Variants in BIRC6 observed in about 807,000 individuals in gnomAD.
BIRC6 encodes the protein dual E2 ubiquitin-conjugating enzyme/E3 ubiquitin-protein ligase BIRC6.
In BIRC6, 98 loss-of-function variants were observed where a neutral mutation model predicts 503.3. That is an observed-to-expected ratio of 0.19 (90% CI 0.17 to 0.23). The LOEUF is 0.23. Among genes scored for constraint, BIRC6 ranks in the 10% least tolerant of loss-of-function variants. BIRC6 has a pLI of 1.00. For missense variants in BIRC6, 5,360 were observed against 5,806.0 expected, an observed-to-expected ratio of 0.92 and a Z score of 2.50; for synonymous variants, 2,240 against 2,078.7, an observed-to-expected ratio of 1.08 and a Z score of -2.11.
At chr2:32,558,315 A>G (rs2058925751) in intron 65 of BIRC6, among the ~76,000 whole-genome samples, 1 of 139,718 alleles carries the variant, frequency 7.2e-6, no homozygotes, top group Admixed American at 7.2e-5. Context: ...ACTGCAATTT[A>G]TATACAAAAA....
At chr2:32,501,939 T>C in intron 47 of BIRC6, 51 bp downstream of exon 47, 2 of 1,490,428 alleles carry the variant, frequency 1.3e-6, no homozygotes, top group South Asian at 2.6e-5. Flanking sequence ...TTTATTGCGA[T>C]GTAAGTGGAA....
chr2:32,578,934 T>C (rs2060456369), intron 66 of BIRC6, among the ~76,000 whole-genome samples: 2 of 142,592 alleles, frequency 1.4e-5, no homozygotes, highest in South Asian at 2.2e-4. Flanking sequence ...TGGTTCTTTT[T>C]TTAAGTAAGA....
intron 73 of BIRC6, among the ~76,000 whole-genome samples, chr2:32,615,365 G>A (rs537561287): frequency 7.2e-5 from 11 of 152,268 alleles, no homozygotes; most frequent in South Asian, 4.1e-4. Context: ...GAAAATCAAG[G>A]CTAGGGAAAT....
chr2:32,463,664 T>C (rs891616584), intron 24 of BIRC6, among the ~76,000 whole-genome samples: 1 of 152,232 alleles, frequency 6.6e-6, no homozygotes, highest in Admixed American at 6.5e-5. Context: ...TATGTACAGT[T>C]ACTAGTTACT....
chr2:32,484,212 T>C (rs1387151139), intron 39 of BIRC6, among the ~76,000 whole-genome samples: 2 of 152,118 alleles, frequency 1.3e-5, no homozygotes, highest in East Asian at 3.9e-4. Flanking sequence ...GGGAGCAGAA[T>C]GGTACTCGGA....
chr2:32,383,389 A>G (rs2037976958), intron 3 of BIRC6, among the ~76,000 whole-genome samples: 2 of 152,224 alleles, frequency 1.3e-5, no homozygotes, highest in Non-Finnish European at 2.9e-5. Context: ...ATAATAGTCA[A>G]GAAGATATCT....
intron 1 of BIRC6, among the ~76,000 whole-genome samples, chr2:32,370,002 G>A (rs2035680892): frequency 1.6e-5 from 2 of 124,474 alleles, no homozygotes; most frequent in Non-Finnish European, 3.2e-5. Flanking sequence ...ATGTATGTGT[G>A]TGTATATATA....
At chr2:32,544,870 T>A (rs1181178765) in intron 62 of BIRC6, among the ~76,000 whole-genome samples, 1 of 152,002 alleles carries the variant, frequency 6.6e-6, no homozygotes, top group Non-Finnish European at 1.5e-5. Flanking sequence ...TTACTTGATC[T>A]GATTTTTTTT....
At position 32,501,918 on chromosome 2, in the gene BIRC6, A is replaced by T. The variant is rs1156295554; in HGVS notation, c.9207+30A>T. On this transcript the variant is annotated intron_variant, in intron 47 of 73. Coordinates refer to ENST00000421745, the MANE Select transcript of BIRC6 (RefSeq NM_016252.4). Reference sequence around the variant, plus strand: ...GTTCAAGCCAACAACAGTTGCAGTGATTCAAATAAATTTATTGCGATGTAA... The same window carrying T: ...GTTCAAGCCAACAACAGTTGCAGTGTTTCAAATAAATTTATTGCGATGTAA... The T allele has an allele frequency of 2.6e-6, 4 of 1,552,862 alleles. No individual in the cohort carries two copies. The South Asian group carries it at 4.9e-5, about 19-fold the overall frequency.
intron 1 of BIRC6, among the ~76,000 whole-genome samples, chr2:32,369,656 G>C (rs751145212): frequency 4.0e-5 from 6 of 151,674 alleles, no homozygotes; most frequent in African/African-American, 1.5e-4. Flanking sequence ...TCGAACTCCT[G>C]ACCTCAAGTG....
chr2:32,514,492 T>G (rs1171258022), intron 54 of BIRC6, among the ~76,000 whole-genome samples: 1 of 152,216 alleles, frequency 6.6e-6, no homozygotes, highest in Non-Finnish European at 1.5e-5. Flanking sequence ...TTTGAAGAGT[T>G]CCTGTAACAC....
chr2:32,378,179 A>G (rs1401283962), intron 2 of BIRC6, among the ~76,000 whole-genome samples: 5 of 152,106 alleles, frequency 3.3e-5, no homozygotes. Flanking sequence ...AGAGAGGGCA[A>G]GAGGCTAGAG....
At position 32,377,784 on chromosome 2, in the gene BIRC6, G is replaced by C. The variant is rs2037021587; in HGVS notation, c.507+15G>C. On this transcript the variant is annotated intron_variant, in intron 2 of 73. Coordinates refer to ENST00000421745, the MANE Select transcript of BIRC6 (RefSeq NM_016252.4). ...CCGTTACAGAGGTAAGTTGAAATAAGTATCAATGTGGTCCTCTACTTAATG... is the reference window on the plus strand; with the variant it reads ...CCGTTACAGAGGTAAGTTGAAATAACTATCAATGTGGTCCTCTACTTAATG... The C allele has an allele frequency of 6.3e-7, 1 of 1,599,954 alleles. No homozygotes were observed. Among genetic ancestry groups the C allele is most frequent in the Non-Finnish European group, 8.5e-7 (1 of 1,171,880 alleles).
intron 20 of BIRC6, among the ~76,000 whole-genome samples, chr2:32,444,853 A>G (rs2045788854): frequency 6.6e-6 from 1 of 152,232 alleles, no homozygotes; most frequent in Admixed American, 6.5e-5. Context: ...TTTGGCTACA[A>G]CCATTAACTC....
intron 8 of BIRC6, among the ~76,000 whole-genome samples, chr2:32,404,370 T>C (rs1487441594): frequency 9.9e-5 from 15 of 151,870 alleles, no homozygotes; most frequent in Non-Finnish European, 2.1e-4. Context: ...CATGCTGGAG[T>C]GCAGTGGTGC....
chr2:32,525,627 A>G lies in BIRC6; in HGVS notation c.11919A>G (p.Ala3973=). ...PVFHLFHKLL[A]GQPLPAEMTL... is the part of the protein sequence containing the mutation. ...TTCACCTGTTTCACAAACTCTTGGC[A>G]GGTAATATTCCTCAATGAATAAACG... Residue 3973 remains alanine (A), a splice_region_variant and synonymous_variant, in exon 59 of 74, where the codon GCA becomes GCG. Transcript: ENST00000421745. 6.2e-7 allele frequency: 1 copy of G among 1,611,596 alleles called. No homozygotes were observed. Among genetic ancestry groups the G allele is most frequent in the Non-Finnish European group, 8.5e-7 (1 of 1,178,838 alleles).
chr2:32,459,110 C>T (rs1039671618), intron 23 of BIRC6, among the ~76,000 whole-genome samples: 6 of 152,228 alleles, frequency 3.9e-5, no homozygotes, highest in Middle Eastern at 3.4e-3. Context: ...ATAAAACTCA[C>T]AGTGTTATGC....
At chr2:32,392,562 A>C (rs1160616035) in intron 5 of BIRC6, among the ~76,000 whole-genome samples, 1 of 152,164 alleles carries the variant, frequency 6.6e-6, no homozygotes, top group Non-Finnish European at 1.5e-5. Context: ...AAAATTGTTT[A>C]AGCAATTAAC....
At chr2:32,550,053 G>T (rs2058322620) in intron 65 of BIRC6, among the ~76,000 whole-genome samples, 1 of 152,064 alleles carries the variant, frequency 6.6e-6, no homozygotes, top group Admixed American at 6.6e-5. Context: ...CTTTTCCTAA[G>T]AATAGAAAGT....
Sources: allele counts gnomAD v4.1 joint callset (sites outside exome capture counted in the v4.1 genomes callset), GRCh38; gene constraint gnomAD v4.1.1; transcripts MANE v1.5; gene names NCBI Gene and HGNC (gene_info 2026-07-23, HGNC 2026-07-21).